SORCS3: variants seen among roughly 807,000 people sequenced by gnomAD.
SORCS3 encodes VPS10 domain-containing receptor SorCS3.
A neutral mutation model predicts 146.3 loss-of-function variants in SORCS3; 57 were observed. The ratio of observed to expected loss-of-function variants is 0.39; its 90% confidence interval spans 0.31 to 0.49. The LOEUF is 0.49. SORCS3 is among the 20% of genes least tolerant of loss of function. The pLI is 0.92. For synonymous variants in SORCS3, 653 were observed against 618.5 expected (o/e 1.06, Z -0.83); for missense variants, 1,341 against 1,575.5 (o/e 0.85, Z 2.52).
intron 7 of SORCS3, among the ~76,000 whole-genome samples, chr10:105,136,879 T>A (rs2056062425): frequency 6.6e-6 from 1 of 152,162 alleles, no homozygotes; most frequent in Non-Finnish European, 1.5e-5. Flanking sequence ...CATTTAAACA[T>A]TTAAAGTATA....
intron 5 of SORCS3, among the ~76,000 whole-genome samples, chr10:105,084,170 C>T (rs1439039276): frequency 6.6e-6 from 1 of 152,182 alleles, no homozygotes; most frequent in Non-Finnish European, 1.5e-5. Flanking sequence ...ACATAGTGTA[C>T]TCTCAATATC....
chr10:104,802,524 G>T (rs1295099222), intron 1 of SORCS3, among the ~76,000 whole-genome samples: 1 of 152,216 alleles, frequency 6.6e-6, no homozygotes. Flanking sequence ...CTGGGAAAGT[G>T]GGGAGTGTGT....
chr10:104,703,039 A>C (rs1589464479), intron 1 of SORCS3, among the ~76,000 whole-genome samples: 1 of 152,226 alleles, frequency 6.6e-6, no homozygotes, highest in African/African-American at 2.4e-5. Context: ...TGTAAGGGAG[A>C]GAACACTTCA....
chr10:104,718,441 G>T (rs185664754), intron 1 of SORCS3, among the ~76,000 whole-genome samples: 1 of 152,186 alleles, frequency 6.6e-6, no homozygotes, highest in African/African-American at 2.4e-5. Flanking sequence ...CCTCTTAAAG[G>T]TAACCACCTC....
At chr10:104,663,602 G>T (rs1395835247) in intron 1 of SORCS3, among the ~76,000 whole-genome samples, 1 of 152,116 alleles carries the variant, frequency 6.6e-6, no homozygotes, top group African/African-American at 2.4e-5. Context: ...GCTTAGGTAG[G>T]GATGGGAGAC....
At chr10:105,114,499 G>A (rs2055880602) in intron 7 of SORCS3, among the ~76,000 whole-genome samples, 2 of 152,122 alleles carry the variant, frequency 1.3e-5, no homozygotes, top group African/African-American at 2.4e-5. Context: ...ATGAGGTGCT[G>A]CAACTTGAAC....
intron 11 of SORCS3, among the ~76,000 whole-genome samples, chr10:105,163,714 G>A (rs750781876): frequency 3.9e-5 from 6 of 152,162 alleles, no homozygotes; most frequent in Non-Finnish European, 2.9e-5. Context: ...CAGGTGACTT[G>A]TTTTGCTGCC....
At chr10:104,858,938 T>TTAA (rs1554855004) in intron 2 of SORCS3, among the ~76,000 whole-genome samples, 9 of 138,558 alleles carry the variant, frequency 6.5e-5, no homozygotes, top group African/African-American at 1.4e-4. Flanking sequence ...TGTACATTTA[T>TTAA]AAAAAAAAAA....
At chr10:104,884,917 C>T (rs751743185) in intron 2 of SORCS3, among the ~76,000 whole-genome samples, 1 of 151,846 alleles carries the variant, frequency 6.6e-6, no homozygotes, top group Non-Finnish European at 1.5e-5. Context: ...AGTTATTCTG[C>T]CCAGAGCATC....
chr10:104,975,934 A>G lies in SORCS3; in HGVS notation c.796-1401A>G, dbSNP rs369161515. On this transcript the variant is annotated intron_variant, in intron 3 of 26. Coordinates refer to ENST00000369701, the MANE Select transcript of SORCS3 (RefSeq NM_014978.3). The stretch of plus-strand genomic sequence containing the variant: ...TTCAAGATGGATTAAAGACTTAAAC[A>G]TTAGACCTAAAACCATAAAAACCCT... Among the ~76,000 whole-genome samples, 4 of 152,170 alleles carry G rather than the reference A, an allele frequency of 2.6e-5. No homozygotes were observed. The South Asian group carries it at 6.2e-4, about 24-fold the overall frequency.
At chr10:104,786,324 G>A (rs1015264509) in intron 1 of SORCS3, among the ~76,000 whole-genome samples, 5 of 151,302 alleles carry the variant, frequency 3.3e-5, no homozygotes, top group African/African-American at 1.2e-4. Flanking sequence ...GGCCAAGGAA[G>A]GCAGATCACC....
intron 1 of SORCS3, among the ~76,000 whole-genome samples, chr10:104,818,066 A>G (rs1284870829): frequency 3.9e-5 from 6 of 152,128 alleles, no homozygotes; most frequent in South Asian, 2.1e-4. Flanking sequence ...AGGTTGCCCT[A>G]TCTACGTAGG....
chr10:104,947,659 G>A (rs2019386968), intron 3 of SORCS3, among the ~76,000 whole-genome samples: 1 of 152,150 alleles, frequency 6.6e-6, no homozygotes, highest in Admixed American at 6.5e-5. Flanking sequence ...GTCTTTCTGT[G>A]TCACCGAGGC....
At chr10:104,663,582 C>T (rs553971072) in intron 1 of SORCS3, among the ~76,000 whole-genome samples, 2 of 152,278 alleles carry the variant, frequency 1.3e-5, no homozygotes, top group East Asian at 3.9e-4. Flanking sequence ...CCCACATTTT[C>T]TGGATCAAAG....
rs548146205 is a variant in SORCS3 at position 104,843,007 on chromosome 10, G to T, written c.695+148G>T. The T allele has an allele frequency of 6.2e-5, 41 of 657,710 alleles. No homozygotes were observed. The South Asian group carries it at 7.2e-4, about 12-fold the overall frequency. 40.7% of individuals were successfully genotyped at this position (657,710 alleles called of 1,614,324 possible). A position where few individuals can be genotyped will look rare whatever the true frequency, so the allele number is the denominator to read the frequency against. On this transcript the variant is annotated intron_variant, in intron 2 of 26. Coordinates refer to ENST00000369701, the MANE Select transcript of SORCS3 (RefSeq NM_014978.3). Reference sequence around the variant, plus strand: ...GTTAATGCTCTGGGTGGAACTGATGGCCCCCACCTGTGAATTCCTTTCCTG... The same window carrying T: ...GTTAATGCTCTGGGTGGAACTGATGTCCCCCACCTGTGAATTCCTTTCCTG...
At chr10:105,055,687 C>T (rs534649994) in intron 5 of SORCS3, among the ~76,000 whole-genome samples, 117 of 152,258 alleles carry the variant, frequency 7.7e-4, no homozygotes, top group African/African-American at 2.6e-3. Context: ...CACTTTGAAA[C>T]TAAGCAAGTT....
Position 105,263,319 on chromosome 10 carries a change from C to T in SORCS3, c.3614C>T (p.Ala1205Val). 1 of 1,614,036 alleles carries T rather than the reference C, an allele frequency of 6.2e-7. No homozygotes were observed. Among genetic ancestry groups the T allele is most frequent in the Non-Finnish European group, 8.5e-7 (1 of 1,179,932 alleles). ...ELDTRVIGGI[A>V]TIANSESTKE... The stretch of plus-strand genomic sequence containing the variant: ...CTTCTCTTCTCTGCAGGAGGCATTG[C>T]CACTATTGCAAACAGCGAAAGCACA... The change falls in exon 27 of 27, where the codon GCC becomes GTC. Residue 1205 changes from alanine (A) to valine (V), a missense_variant. Ala to Val is a moderately conservative substitution (Grantham distance 64). Transcript: ENST00000369701.
At chr10:104,863,048 A>G (rs904871674) in intron 2 of SORCS3, among the ~76,000 whole-genome samples, 1 of 152,214 alleles carries the variant, frequency 6.6e-6, no homozygotes, top group Admixed American at 6.5e-5. Context: ...CCAAGTAGGT[A>G]CGTTATACTC....
chr10:105,033,934 C>A (rs1454922446), intron 4 of SORCS3, among the ~76,000 whole-genome samples: 1 of 151,912 alleles, frequency 6.6e-6, no homozygotes, highest in Non-Finnish European at 1.5e-5. Context: ...AAAGAATAGA[C>A]CTTTAAAAGA....
Sources: gnomAD v4.1 joint callset for allele counts (sites outside exome capture counted in the v4.1 genomes callset) on GRCh38, gnomAD v4.1.1 for gene constraint, MANE v1.5 for transcripts, NCBI Gene and HGNC (gene_info 2026-07-23, HGNC 2026-07-21) for gene names.